Variants in TRDN observed in about 807,000 individuals in gnomAD.
TRDN encodes triadin, also known as triadin in skeletal muscle.
A neutral mutation model predicts 149.7 loss-of-function variants in TRDN; 161 were observed. The ratio of observed to expected loss-of-function variants is 1.08; its 90% CI spans 0.95 to 1.23. TRDN has a LOEUF of 1.23. TRDN is among the 50% of genes most tolerant of loss of function. The pLI, the probability that TRDN is intolerant of heterozygous loss-of-function variation, is 0.00. For synonymous variants in TRDN, 294 were observed against 250.5 expected (o/e 1.17, Z -1.64); for missense variants, 896 against 823.5 (o/e 1.09, Z -1.08).
chr6:123,415,196 GA>G (rs1324013713), intron 12 of TRDN, among the ~76,000 whole-genome samples: 2 of 152,160 alleles, frequency 1.3e-5, no homozygotes, highest in African/African-American at 4.8e-5. Context: ...TGATCAGGCT[GA>G]ACTATCCTTA....
intron 12 of TRDN, among the ~76,000 whole-genome samples, chr6:123,433,463 T>C (rs1774426091): frequency 6.6e-6 from 1 of 152,030 alleles, no homozygotes; most frequent in Non-Finnish European, 1.5e-5. Flanking sequence ...CACTTCTGTG[T>C]ACTCAGCACC....
intron 12 of TRDN, among the ~76,000 whole-genome samples, chr6:123,422,132 G>A (rs2114545035): frequency 6.6e-6 from 1 of 152,216 alleles, no homozygotes; most frequent in Non-Finnish European, 1.5e-5. Flanking sequence ...GGGAGGATGT[G>A]CGTAGGTTAT....
At position 123,571,000 on chromosome 6, in the gene TRDN, A is replaced by AG. The variant is rs1208151008; in HGVS notation, c.154dup (p.Leu52ProfsTer18). The AG allele has an allele frequency of 6.2e-7, 1 of 1,613,926 alleles. No individual in the cohort carries two copies. Among genetic ancestry groups the AG allele is most frequent in the African/African-American group, 1.3e-5 (1 of 74,952 alleles). ...CCACGTGATTATCAGGGCAATGACC[A>AG]GAAGCCAGGCTGCAGGGGAGCTGAA... On this transcript the variant is annotated frameshift_variant, in exon 2 of 41. Coordinates refer to ENST00000334268, the MANE Select transcript of TRDN (RefSeq NM_006073.4). LOFTEE classifies it high-confidence loss of function.
intron 19 of TRDN, among the ~76,000 whole-genome samples, chr6:123,372,579 C>G (rs1290322608): frequency 6.6e-6 from 1 of 151,974 alleles, no homozygotes; most frequent in Non-Finnish European, 1.5e-5. Flanking sequence ...GCCCTAAGGT[C>G]CTTGAGGTGG....
rs183606064 is a variant in TRDN, at chr6:123,325,987, A to T, written c.1471+5892T>A. ...GCAATGAGACACAAAAACTAGTGAC[A>T]ACTGAACATGCAAAATTACCAATTT... On this transcript the variant is annotated intron_variant, in intron 23 of 40. Coordinates refer to ENST00000334268, the MANE Select transcript of TRDN (RefSeq NM_006073.4). Among the ~76,000 whole-genome samples, 167 of 152,252 alleles carry T rather than the reference A, an allele frequency of 1.1e-3. 1 individual carries two copies. Among genetic ancestry groups the T allele is most frequent in the Non-Finnish European group, 1.8e-3 (121 of 67,968 alleles).
At chr6:123,340,333 T>C (rs1472833494) in intron 21 of TRDN, among the ~76,000 whole-genome samples, 1 of 152,094 alleles carries the variant, frequency 6.6e-6, no homozygotes, top group Non-Finnish European at 1.5e-5. Context: ...ATACCATTGA[T>C]CTGCCTATTA....
chr6:123,451,255 G>A (rs896572441), intron 10 of TRDN, among the ~76,000 whole-genome samples: 1 of 151,286 alleles, frequency 6.6e-6, no homozygotes, highest in African/African-American at 2.4e-5. Flanking sequence ...GATCAGAGCA[G>A]AAATAAATAA....
intron 2 of TRDN, among the ~76,000 whole-genome samples, chr6:123,553,134 C>T (rs1366496662): frequency 6.6e-6 from 1 of 152,090 alleles, no homozygotes; most frequent in African/African-American, 2.4e-5. Flanking sequence ...TGTTGAATGA[C>T]CAAAATGTTC....
At chr6:123,560,190 A>T (rs948376010) in intron 2 of TRDN, among the ~76,000 whole-genome samples, 9 of 152,140 alleles carry the variant, frequency 5.9e-5, no homozygotes, top group African/African-American at 2.2e-4. Context: ...CTCACTCTCT[A>T]CAGTTCTCAT....
intron 24 of TRDN, among the ~76,000 whole-genome samples, chr6:123,285,685 G>C (rs1033035293): frequency 2.0e-5 from 3 of 151,918 alleles, no homozygotes; most frequent in Admixed American, 2.0e-4. Flanking sequence ...TGATAAATCG[G>C]TGGGACTTAA....
chr6:123,278,997 G>A, intron 25 of TRDN, 59 bp downstream of exon 25: 1 of 1,457,162 alleles, frequency 6.9e-7, no homozygotes, highest in Non-Finnish European at 9.3e-7. Context: ...TTTAAGATTT[G>A]TTTTATGTAT....
intron 1 of TRDN, among the ~76,000 whole-genome samples, chr6:123,589,671 G>C (rs1015288099): frequency 6.6e-6 from 1 of 152,116 alleles, no homozygotes; most frequent in Non-Finnish European, 1.5e-5. Context: ...TGTCACAGTA[G>C]ATTCTATTTT....
intron 1 of TRDN, among the ~76,000 whole-genome samples, chr6:123,588,279 T>C (rs1253311840): frequency 6.6e-6 from 1 of 152,184 alleles, no homozygotes; most frequent in African/African-American, 2.4e-5. Context: ...ATCTGTCACA[T>C]GATGCTATAC....
chr6:123,551,864 C>G (rs1781407975), intron 2 of TRDN, among the ~76,000 whole-genome samples: 1 of 151,990 alleles, frequency 6.6e-6, no homozygotes, highest in Non-Finnish European at 1.5e-5. Context: ...ATTCTAAGGT[C>G]TCGTTTTGGG....
intron 38 of TRDN, among the ~76,000 whole-genome samples, chr6:123,250,751 A>G (rs1776345777): frequency 6.6e-6 from 1 of 152,028 alleles, no homozygotes; most frequent in Non-Finnish European, 1.5e-5. Flanking sequence ...TACTGCTATT[A>G]CTATGAAGTT....
chr6:123,525,884 G>A (rs1399970595), intron 5 of TRDN, among the ~76,000 whole-genome samples: 1 of 151,954 alleles, frequency 6.6e-6, no homozygotes, highest in Non-Finnish European at 1.5e-5. Flanking sequence ...CAGTGGAATA[G>A]GCCAAATAAT....
intron 1 of TRDN, among the ~76,000 whole-genome samples, chr6:123,574,103 ATT>A (rs34688198): frequency 6.6e-6 from 1 of 151,988 alleles, no homozygotes; most frequent in African/African-American, 2.4e-5. Context: ...TTTTTTAGTT[ATT>A]TTTTAGATAA....
intron 1 of TRDN, among the ~76,000 whole-genome samples, chr6:123,606,927 G>A (rs1400628512): frequency 6.6e-6 from 1 of 152,150 alleles, no homozygotes; most frequent in African/African-American, 2.4e-5. Context: ...ATGTTGGCAA[G>A]CACTAATCTA....
chr6:123,413,378 A>G (rs897228680), intron 12 of TRDN, among the ~76,000 whole-genome samples: 4 of 152,326 alleles, frequency 2.6e-5, no homozygotes, highest in African/African-American at 7.2e-5. Context: ...AAACAATCAA[A>G]TTGTTACTTT....
Sources: allele counts gnomAD v4.1 joint callset (sites outside exome capture counted in the v4.1 genomes callset), GRCh38; gene constraint gnomAD v4.1.1; transcripts MANE v1.5; gene names NCBI Gene and HGNC (gene_info 2026-07-23, HGNC 2026-07-21).